The following MEGF9 variants were observed in gnomAD, a reference collection of about 807,000 sequenced individuals.
MEGF9 encodes multiple epidermal growth factor-like domains protein 9.
In MEGF9, 6 loss-of-function variants were observed where a neutral mutation model predicts 46.8. The ratio of observed to expected loss-of-function variants is 0.13; its 90% CI spans 0.07 to 0.25. The LOEUF is 0.25. MEGF9 is among the 10% of genes least tolerant of loss of function. MEGF9 has a pLI of 1.00. For synonymous variants in MEGF9, 302 were observed against 330.7 expected, an observed-to-expected ratio of 0.91 and a Z score of 0.94; for missense variants, 683 against 792.4, an observed-to-expected ratio of 0.86 and a Z score of 1.66.
At position 120,649,034 on chromosome 9, in the gene MEGF9, G is replaced by A. The variant is rs554878955; in HGVS notation, c.803+10340C>T. Among the ~76,000 whole-genome samples the A allele has an allele frequency of 4.5e-4, 68 of 152,236 alleles. 1 individual carries two copies. Among genetic ancestry groups the A allele is most frequent in the African/African-American group, 1.6e-3 (67 of 41,534 alleles). On this transcript the variant is annotated intron_variant, in intron 2 of 5. Coordinates refer to ENST00000373930, the MANE Select transcript of MEGF9 (RefSeq NM_001080497.3). ...GATGCTCAAGTCCTTTCCATAAAATGGCACAGTATTTGCATATGCACGTCC... is the reference window on the plus strand; with the variant it reads ...GATGCTCAAGTCCTTTCCATAAAATAGCACAGTATTTGCATATGCACGTCC...
At position 120,628,080 on chromosome 9, in the gene MEGF9, G is replaced by A. The variant is rs74343781; in HGVS notation, c.804-5325C>T. 3.9e-3 allele frequency among the ~76,000 whole-genome samples: 586 copies of A among 152,034 alleles called. 37 individuals carry two copies. In the East Asian group the frequency reaches 0.1, roughly 26 times the overall value. ...TAAACTCGCTCAATATATTAAAATCGAACTTTAAAAGGTAGCTAGAAAAAG... is the reference window on the plus strand; with the variant it reads ...TAAACTCGCTCAATATATTAAAATCAAACTTTAAAAGGTAGCTAGAAAAAG... On this transcript the variant is annotated intron_variant, in intron 2 of 5. Transcript: ENST00000373930.
intron 2 of MEGF9, among the ~76,000 whole-genome samples, chr9:120,637,790 C>CAAAAAAA (rs34861368): frequency 0.014 from 477 of 34,766 alleles, 107 homozygotes; most frequent in African/African-American, 0.048. Context: ...GACTCTGTCT[C>CAAAAAAA]AAAAAAAAAA....
At chr9:120,607,424 G>C (rs1224217656) in intron 5 of MEGF9, among the ~76,000 whole-genome samples, 28 of 152,158 alleles carry the variant, frequency 1.8e-4, no homozygotes, top group Non-Finnish European at 1.6e-4. Context: ...AAAGTGATGA[G>C]AATAAAGGAA....
rs1195427088 is a variant in MEGF9, at chr9:120,602,387, T to C, written c.*2803A>G. The C allele has an allele frequency of 1.3e-5, 2 of 152,782 alleles. No individual in the cohort carries two copies. Among genetic ancestry groups the C allele is most frequent in the Middle Eastern group, 3.4e-3 (1 of 294 alleles). 9.5% of individuals were successfully genotyped at this position (152,782 alleles called of 1,614,324 possible). A position where few individuals can be genotyped will look rare whatever the true frequency, so the allele number is the denominator to read the frequency against. ...GCCCATGCCTTTAGAGGAAAGAACATTGTGCAGTGCATCCCATGCTAGTTT... is the reference window on the plus strand; with the variant it reads ...GCCCATGCCTTTAGAGGAAAGAACACTGTGCAGTGCATCCCATGCTAGTTT... On this transcript the variant is annotated 3_prime_UTR_variant, in exon 6 of 6. Coordinates refer to ENST00000373930, the MANE Select transcript of MEGF9 (RefSeq NM_001080497.3).
At position 120,648,177 on chromosome 9, in the gene MEGF9, T is replaced by C. The variant is rs553723357; in HGVS notation, c.803+11197A>G. On this transcript the variant is annotated intron_variant, in intron 2 of 5. Coordinates refer to ENST00000373930, the MANE Select transcript of MEGF9 (RefSeq NM_001080497.3). ...TAATTTTTCCAAAAAACAAGTCTGATGTCACCTCTTGTTAAATATTCTTCA... is the reference window on the plus strand; with the variant it reads ...TAATTTTTCCAAAAAACAAGTCTGACGTCACCTCTTGTTAAATATTCTTCA... 2.4e-3 allele frequency among the ~76,000 whole-genome samples: 358 copies of C among 152,252 alleles called. 2 individuals are homozygous for C. The highest frequency in any genetic ancestry group is 8.4e-3 in the African/African-American group (347 of 41,550).
chr9:120,711,667 A>T (rs1329065820), intron 1 of MEGF9, among the ~76,000 whole-genome samples: 1 of 152,216 alleles, frequency 6.6e-6, no homozygotes, highest in East Asian at 1.9e-4. Flanking sequence ...CATGAATTAC[A>T]CAGATTTATT....
intron 1 of MEGF9, among the ~76,000 whole-genome samples, chr9:120,683,985 C>G (rs766513179): frequency 7.2e-4 from 110 of 151,742 alleles, no homozygotes; most frequent in Non-Finnish European, 1.5e-3. Flanking sequence ...TAAAAATGTA[C>G]AAGGAACCTA....
intron 1 of MEGF9, among the ~76,000 whole-genome samples, chr9:120,703,561 C>A (rs1357695624): frequency 6.6e-6 from 1 of 152,190 alleles, no homozygotes; most frequent in Non-Finnish European, 1.5e-5. Flanking sequence ...TATTAGTTAC[C>A]TTCCCTGCCA....
chr9:120,618,761 G>A (rs1564413246), intron 3 of MEGF9, among the ~76,000 whole-genome samples: 1 of 151,830 alleles, frequency 6.6e-6, no homozygotes, highest in Non-Finnish European at 1.5e-5. Flanking sequence ...AGCTGGGCGT[G>A]TGATGGTGGG....
At chr9:120,622,809 TTGAG>T in intron 2 of MEGF9, 54 bp from the exon 3 acceptor site, 1 of 1,589,044 alleles carries the variant, frequency 6.3e-7, no homozygotes, top group Non-Finnish European at 8.6e-7. Context: ...AAAAGTTGTA[TTGAG>T]TAACACCCCA....
rs562564029 is a variant in MEGF9 at position 120,631,528 on chromosome 9, G to A, written c.804-8773C>T. 3.1e-4 allele frequency among the ~76,000 whole-genome samples: 46 copies of A among 149,546 alleles called. No homozygotes were observed. The East Asian group carries it at 5.3e-3, about 17-fold the overall frequency. On this transcript the variant is annotated intron_variant, in intron 2 of 5. Transcript: ENST00000373930. Reference sequence around the variant, plus strand: ...GAGATGGAGTCTTGCCCTGTCACCCGGGCTGGAGTGCAGTGGTGCAATCTC... The same window carrying A: ...GAGATGGAGTCTTGCCCTGTCACCCAGGCTGGAGTGCAGTGGTGCAATCTC...
chr9:120,713,782 C>T lies in MEGF9; in HGVS notation c.577G>A (p.Glu193Lys), dbSNP rs749316919. Residue 193 changes from glutamate to lysine, a missense_variant, in exon 1 of 6, where the codon GAG becomes AAG. By Grantham distance (56) the Glu-to-Lys change is moderately conservative. This residue lies in a region of MEGF9 where 370 missense variants were observed against 371.3 expected (regional missense o/e 1.00). Coordinates refer to ENST00000373930, the MANE Select transcript of MEGF9 (RefSeq NM_001080497.3). Reference protein sequence around the residue: ...SSVLPTPPATEAPSSPPPEYV... With the variant: ...SSVLPTPPATKAPSSPPPEYV... Reference sequence around the variant, plus strand: ...CCTGGAGGAGGCGAAGAGGGGGCCTCGGTGGCAGGTGGGGTGGGGAGGACG... The same window carrying T: ...CCTGGAGGAGGCGAAGAGGGGGCCTTGGTGGCAGGTGGGGTGGGGAGGACG... The T allele has an allele frequency of 7.8e-7, 1 of 1,277,126 alleles. No homozygotes were observed. The highest frequency in any genetic ancestry group is 3.2e-5 in the Admixed American group (1 of 31,594). 79.1% of individuals were successfully genotyped at this position (1,277,126 alleles called of 1,614,324 possible).
intron 1 of MEGF9, among the ~76,000 whole-genome samples, chr9:120,701,916 G>A (rs962444885): frequency 2.6e-5 from 4 of 152,026 alleles, no homozygotes; most frequent in Admixed American, 2.0e-4. Flanking sequence ...GGTGGCCGGC[G>A]CCTGTAGTCC....
chr9:120,622,223 G>A (rs1392836257), intron 3 of MEGF9, among the ~76,000 whole-genome samples: 1 of 152,126 alleles, frequency 6.6e-6, no homozygotes, highest in African/African-American at 2.4e-5. Context: ...TCAAATGACT[G>A]CCAAAAACAT....
Position 120,608,263 on chromosome 9 carries a change from T to G in MEGF9, c.1088-253A>C, listed in dbSNP as rs185742223. Among the ~76,000 whole-genome samples, 164 of 152,316 alleles carry G rather than the reference T, an allele frequency of 1.1e-3. 1 individual carries two copies. The highest frequency in any genetic ancestry group is 3.7e-3 in the African/African-American group (155 of 41,574). Reference sequence around the variant, plus strand: ...AATAATCTCTATTAATTAATTAAACTAATAATCTATAATCTATTTACTAAT... The same window carrying G: ...AATAATCTCTATTAATTAATTAAACGAATAATCTATAATCTATTTACTAAT... On this transcript the variant is annotated intron_variant, in intron 4 of 5. Transcript: ENST00000373930.
At chr9:120,698,203 A>G (rs1422434679) in intron 1 of MEGF9, among the ~76,000 whole-genome samples, 2 of 152,230 alleles carry the variant, frequency 1.3e-5, no homozygotes, top group African/African-American at 4.8e-5. Context: ...CATAAAATAG[A>G]GTGGTCACAT....
At chr9:120,670,389 G>A (rs907280640) in intron 1 of MEGF9, among the ~76,000 whole-genome samples, 1 of 152,142 alleles carries the variant, frequency 6.6e-6, no homozygotes, top group African/African-American at 2.4e-5. Flanking sequence ...GAGCCACCGT[G>A]CCCGGCCTCT....
At position 120,605,222 on chromosome 9, in the gene MEGF9, G is replaced by A; in HGVS notation, c.1777C>T (p.Leu593=). The change falls in exon 6 of 6, where the codon CTG becomes TTG. Residue 593 remains leucine (L), a synonymous_variant. Transcript: ENST00000373930. This position sits in a 1 kb window ranked among gnomAD's most constrained non-coding sequence, Gnocchi z 4.0. ...NEVAPNGQLT[L]TTPIHNYKA ...TTGTAGTTATGTATGGGCGTCGTCA[G>A]GGTCAGCTGCCCATTGGGAGCCACT... 1 of 1,613,974 alleles carries A rather than the reference G, an allele frequency of 6.2e-7. No individual in the cohort carries two copies. Among genetic ancestry groups the A allele is most frequent in the Middle Eastern group, 1.6e-4 (1 of 6,062 alleles).
chr9:120,700,958 GT>G (rs918692498), intron 1 of MEGF9, among the ~76,000 whole-genome samples: 3 of 150,554 alleles, frequency 2.0e-5, no homozygotes, highest in African/African-American at 4.9e-5. Context: ...TAAAAAATTA[GT>G]TTAAAAAAAA....
Sources: gnomAD v4.1 joint callset for allele counts (sites outside exome capture counted in the v4.1 genomes callset) on GRCh38, gnomAD v4.1.1 for gene constraint, gnomAD v4.1.1 regional missense constraint, Gnocchi (gnomAD v3.1) non-coding constraint, MANE v1.5 for transcripts, NCBI Gene and HGNC (gene_info 2026-07-23, HGNC 2026-07-21) for gene names.